Variants in FUT8 observed in about 807,000 individuals in gnomAD.
FUT8 encodes fucosyltransferase 8, also known as alpha-(1,6)-fucosyltransferase.
A neutral mutation model predicts 71.3 loss-of-function variants in FUT8; 29 were observed. The observed-to-expected ratio is 0.41, with a 90% CI of 0.30 to 0.55. The LOEUF (loss-of-function observed/expected upper bound fraction) is 0.55. FUT8 is among the 20% of genes least tolerant of loss of function. FUT8 has a pLI of 0.34. For missense variants in FUT8, 544 were observed against 702.1 expected, an observed-to-expected ratio of 0.77 and a Z score of 2.55; for synonymous variants, 254 against 239.3, an observed-to-expected ratio of 1.06 and a Z score of -0.57.
chr14:65,695,943 T>C (rs1386319943), intron 7 of FUT8, among the ~76,000 whole-genome samples: 2 of 152,120 alleles, frequency 1.3e-5, no homozygotes, highest in East Asian at 1.9e-4. Context: ...TTGCAATATA[T>C]ATTTACCACA....
chr14:65,611,507 T>C (rs1362875305), intron 3 of FUT8, among the ~76,000 whole-genome samples: 2 of 152,060 alleles, frequency 1.3e-5, no homozygotes, highest in Non-Finnish European at 2.9e-5. Context: ...TTCCACTTAA[T>C]TGGAGTTTCA....
At chr14:65,444,159 A>T (rs776975237) in intron 1 of FUT8, among the ~76,000 whole-genome samples, 2 of 152,212 alleles carry the variant, frequency 1.3e-5, no homozygotes, top group African/African-American at 2.4e-5. Flanking sequence ...GTTCTTTGAC[A>T]AGTAGAGTTA....
At chr14:65,443,194 A>G (rs1303377634) in intron 1 of FUT8, among the ~76,000 whole-genome samples, 1 of 150,932 alleles carries the variant, frequency 6.6e-6, no homozygotes, top group Admixed American at 6.6e-5. Context: ...GTGGATCACG[A>G]GGTTAGGAGA....
rs1322969537 is a variant in FUT8, at chr14:65,744,104, A to T, written c.*1694A>T. Reference sequence around the variant, plus strand: ...TTTTCCATTTAGTTTTGGTACAAATAAAAGTCATTTGAAACAATCTCCAAC... The same window carrying T: ...TTTTCCATTTAGTTTTGGTACAAATTAAAGTCATTTGAAACAATCTCCAAC... On this transcript the variant is annotated 3_prime_UTR_variant, in exon 11 of 11. Transcript: ENST00000673929. 1 of 151,944 alleles carries T rather than the reference A, an allele frequency of 6.6e-6. No individual in the cohort carries two copies. Among genetic ancestry groups the T allele is most frequent in the African/African-American group, 2.4e-5 (1 of 41,420 alleles). The allele number at this position is 151,944 out of a possible 1,614,324, so 9.4% of individuals were successfully genotyped here. A position where few individuals can be genotyped will look rare whatever the true frequency, so the allele number is the denominator to read the frequency against.
intron 2 of FUT8, among the ~76,000 whole-genome samples, chr14:65,556,783 A>G (rs576795937): frequency 2.6e-5 from 4 of 152,324 alleles, no homozygotes; most frequent in South Asian, 2.1e-4. Context: ...AACAACGTCA[A>G]TATATACCAC....
chr14:65,362,961 CAAAAAA>C, the FUT8 span, among the ~76,000 whole-genome samples: 7 of 69,346 alleles, frequency 1.0e-4, no homozygotes, highest in Admixed American at 2.0e-4. Context: ...GACTCTGTTT[CAAAAAA>C]AAAAAAAAAA....
chr14:65,595,846 T>G (rs1203304607), intron 3 of FUT8, among the ~76,000 whole-genome samples: 1 of 152,124 alleles, frequency 6.6e-6, no homozygotes. Flanking sequence ...CCTGACCTTG[T>G]GATCTGCCCA....
At chr14:65,555,521 A>G (rs192617794) in intron 2 of FUT8, among the ~76,000 whole-genome samples, 143 of 152,306 alleles carry the variant, frequency 9.4e-4, no homozygotes, top group Non-Finnish European at 1.8e-3. Flanking sequence ...CCTCTTTAGT[A>G]TAATGACCTG....
At chr14:65,699,267 G>T (rs1307424917) in intron 7 of FUT8, among the ~76,000 whole-genome samples, 1 of 151,566 alleles carries the variant, frequency 6.6e-6, no homozygotes, top group East Asian at 1.9e-4. Context: ...TTTAGGCTGG[G>T]CTCTGCCAAT....
chr14:65,374,617 T>C, the FUT8 span, among the ~76,000 whole-genome samples: 1 of 151,476 alleles, frequency 6.6e-6, no homozygotes, highest in Non-Finnish European at 1.5e-5. Context: ...TTTTTTTTGA[T>C]GGAGTCTTTC....
chr14:65,635,021 T>C (rs561597927), intron 6 of FUT8, among the ~76,000 whole-genome samples: 2 of 152,362 alleles, frequency 1.3e-5, no homozygotes, highest in South Asian at 4.1e-4. Context: ...CACTATTTTG[T>C]AGTTCTCCTT....
intron 2 of FUT8, among the ~76,000 whole-genome samples, chr14:65,498,706 T>C (rs2066599021): frequency 6.6e-6 from 1 of 152,184 alleles, no homozygotes; most frequent in Non-Finnish European, 1.5e-5. Flanking sequence ...CTAGTAGGCT[T>C]TTTACTGACA....
chr14:65,403,762 A>G, the FUT8 span, among the ~76,000 whole-genome samples: 127 of 143,808 alleles, frequency 8.8e-4, no homozygotes, highest in African/African-American at 3.0e-3. Context: ...TTTTGGCTGC[A>G]ATTTTTCCTT....
At position 65,643,137 on chromosome 14, in the gene FUT8, T is replaced by C. The variant is rs142709637; in HGVS notation, c.597+13531T>C. Among the ~76,000 whole-genome samples the C allele has an allele frequency of 5.9e-4, 90 of 152,330 alleles. No homozygotes were observed. The highest frequency in any genetic ancestry group is 2.1e-3 in the African/African-American group (89 of 41,582). ...TTTTAGGTTTTCTTAGCAAGAGTTTTAAAATATTTTGAGATTCCTAATGGT... is the reference window on the plus strand; with the variant it reads ...TTTTAGGTTTTCTTAGCAAGAGTTTCAAAATATTTTGAGATTCCTAATGGT... On this transcript the variant is annotated intron_variant, in intron 6 of 10. Coordinates refer to ENST00000673929, the MANE Select transcript of FUT8 (RefSeq NM_001371533.1). This position sits in a 1 kb window ranked among gnomAD's most constrained non-coding sequence, Gnocchi z 4.5.
intron 2 of FUT8, among the ~76,000 whole-genome samples, chr14:65,494,473 G>C (rs2066529593): frequency 6.6e-6 from 1 of 152,170 alleles, no homozygotes; most frequent in Non-Finnish European, 1.5e-5. Flanking sequence ...ATTACAAGTA[G>C]ATGGCTTATT....
intron 6 of FUT8, among the ~76,000 whole-genome samples, chr14:65,658,187 A>G (rs1161496973): frequency 6.6e-6 from 1 of 152,274 alleles, no homozygotes; most frequent in Admixed American, 6.5e-5. Context: ...ACATATACAG[A>G]TGACAAATAA....
At chr14:65,678,525 A>T (rs952059027) in intron 7 of FUT8, among the ~76,000 whole-genome samples, 1 of 152,224 alleles carries the variant, frequency 6.6e-6, no homozygotes, top group Admixed American at 6.5e-5. Flanking sequence ...GTCTTCAGAT[A>T]GTCTTTTTAA....
chr14:65,724,001 T>C, intron 8 of FUT8, 146 bp from the exon 9 acceptor site: 1 of 494,712 alleles, frequency 2.0e-6, no homozygotes, highest in Admixed American at 3.9e-5. Context: ...TAAAATACTA[T>C]GTGTTTTACT....
At chr14:65,597,824 G>T (rs1018909671) in intron 3 of FUT8, among the ~76,000 whole-genome samples, 1 of 152,084 alleles carries the variant, frequency 6.6e-6, no homozygotes, top group Non-Finnish European at 1.5e-5. Context: ...ATTGAGCCAG[G>T]TATTTGTGAC....
Sources: allele counts gnomAD v4.1 joint callset (sites outside exome capture counted in the v4.1 genomes callset), GRCh38; gene constraint gnomAD v4.1.1; non-coding constraint Gnocchi (gnomAD v3.1); transcripts MANE v1.5; gene names NCBI Gene and HGNC (gene_info 2026-07-23, HGNC 2026-07-21).